Variants in S100Z observed in about 807,000 individuals in gnomAD.
S100Z encodes protein S100-Z.
A neutral mutation model predicts 8.5 loss-of-function variants in S100Z; 11 were observed. That is an observed-to-expected ratio of 1.30 (90% CI 0.82 to 2.15). S100Z has a LOEUF of 2.15. Among genes scored for constraint, S100Z ranks in the 30% most tolerant of loss-of-function variants. The pLI is 0.00. For synonymous variants in S100Z, 34 were observed against 43.8 expected (o/e 0.78, Z 0.89); for missense variants, 126 against 117.9 (o/e 1.07, Z -0.32).
rs1459868249 is a variant in S100Z, at chr5:76,921,200, T to C, written c.*486T>C. The C allele has an allele frequency of 6.6e-6, 1 of 152,216 alleles. No individual in the cohort carries two copies. The highest frequency in any genetic ancestry group is 1.9e-4 in the East Asian group (1 of 5,206). The allele number at this position is 152,216 out of a possible 1,614,324, so 9.4% of individuals were successfully genotyped here. A position where few individuals can be genotyped will look rare whatever the true frequency, so the allele number is the denominator to read the frequency against. ...AAATATCTTTTGTTATCTATATAGT[T>C]CCAGCTTAATAAATATACAACTGTA... On this transcript the variant is annotated 3_prime_UTR_variant, in exon 5 of 5. Transcript: ENST00000317593.
chr5:76,876,438 G>T (rs1428022379), intron 3 of S100Z, among the ~76,000 whole-genome samples: 4 of 150,622 alleles, frequency 2.7e-5, no homozygotes, highest in Admixed American at 2.7e-4. Flanking sequence ...ACACGATCTC[G>T]GCTCACTGCA....
At chr5:76,892,657 A>T (rs1743903466) in intron 4 of S100Z, among the ~76,000 whole-genome samples, 1 of 151,976 alleles carries the variant, frequency 6.6e-6, no homozygotes, top group Admixed American at 6.6e-5. Context: ...GAAGAAAGAA[A>T]AAAAAAGGCA....
Position 76,911,825 on chromosome 5 carries a change from C to T in S100Z, c.*3-8892C>T, listed in dbSNP as rs144442728. On this transcript the variant is annotated intron_variant, in intron 4 of 4. Transcript: ENST00000317593. Reference sequence around the variant, plus strand: ...CAGCAAGGAACAAATACAGCCTATACTGGCTTATCCTCACCCTAAGACATT... The same window carrying T: ...CAGCAAGGAACAAATACAGCCTATATTGGCTTATCCTCACCCTAAGACATT... 9.6e-3 allele frequency among the ~76,000 whole-genome samples: 1,455 copies of T among 152,292 alleles called. 19 individuals are homozygous for T. The highest frequency in any genetic ancestry group is 0.032 in the African/African-American group (1,350 of 41,552).
rs1449354538 is a variant in S100Z at position 76,921,056 on chromosome 5, G to A, written c.*342G>A. On this transcript the variant is annotated 3_prime_UTR_variant, in exon 5 of 5. Transcript: ENST00000317593. ...AAGTAATATAAGTTTATTGTAGGGG[G>A]AAATAATCAAATGTAATCTCATTAC... 2.6e-5 allele frequency: 4 copies of A among 152,070 alleles called. No individual in the cohort carries two copies. The highest frequency in any genetic ancestry group is 2.1e-4 in the South Asian group (1 of 4,808). 9.4% of individuals were successfully genotyped at this position (152,070 alleles called of 1,614,324 possible).
chr5:76,862,217 T>C (rs893854151), intron 1 of S100Z, among the ~76,000 whole-genome samples: 1 of 151,822 alleles, frequency 6.6e-6, no homozygotes, highest in Non-Finnish European at 1.5e-5. Context: ...TGAACTCCCA[T>C]GTACCCAGCT....
chr5:76,851,408 G>C (rs1750725915), intron 1 of S100Z, among the ~76,000 whole-genome samples: 1 of 152,146 alleles, frequency 6.6e-6, no homozygotes, highest in African/African-American at 2.4e-5. Context: ...GGGATCTCAT[G>C]CAGTAATTCA....
At chr5:76,862,823 A>T (rs1751101907) in intron 1 of S100Z, among the ~76,000 whole-genome samples, 1 of 151,678 alleles carries the variant, frequency 6.6e-6, no homozygotes, top group Admixed American at 6.6e-5. Flanking sequence ...CAACAACAAC[A>T]AAAACCCTGA....
At chr5:76,868,860 G>A (rs1037721441) in intron 1 of S100Z, among the ~76,000 whole-genome samples, 7 of 152,132 alleles carry the variant, frequency 4.6e-5, no homozygotes, top group African/African-American at 7.2e-5. Context: ...CTGACCTCAA[G>A]TGATCTACCC....
intron 4 of S100Z, among the ~76,000 whole-genome samples, chr5:76,915,369 C>T (rs537496448): frequency 2.7e-5 from 4 of 150,700 alleles, no homozygotes; most frequent in South Asian, 4.2e-4. Flanking sequence ...TTTGGGAGGC[C>T]GAGGCGGGCA....
the S100Z span, among the ~76,000 whole-genome samples, chr5:76,941,801 C>CT: frequency 6.6e-6 from 1 of 152,232 alleles, no homozygotes; most frequent in African/African-American, 2.4e-5. Flanking sequence ...TATGCTCCCC[C>CT]CCCTTGATGG....
chr5:76,925,793 C>T (rs978631408), downstream of S100Z, among the ~76,000 whole-genome samples: 2 of 152,028 alleles, frequency 1.3e-5, no homozygotes, highest in African/African-American at 4.8e-5. Context: ...ATGGTGAAAC[C>T]CCATCTCTAC....
chr5:76,882,689 G>A lies in S100Z; in HGVS notation c.*2+4855G>A, dbSNP rs111325123. Among the ~76,000 whole-genome samples, 405 of 152,302 alleles carry A rather than the reference G, an allele frequency of 2.7e-3. 4 individuals carry two copies. Among genetic ancestry groups the A allele is most frequent in the African/African-American group, 9.4e-3 (389 of 41,550 alleles). On this transcript the variant is annotated intron_variant, in intron 4 of 4. Transcript: ENST00000317593. Reference sequence around the variant, plus strand: ...TTCATGAAGAATTATGTCGAGATAGGTAATGGATGAGGAAGAAATTTGGGC... The same window carrying A: ...TTCATGAAGAATTATGTCGAGATAGATAATGGATGAGGAAGAAATTTGGGC...
At chr5:76,926,268 C>T (rs147966367), downstream of S100Z, among the ~76,000 whole-genome samples, 324 of 152,092 alleles carry the variant, frequency 2.1e-3, 1 homozygote, top group Middle Eastern at 6.8e-3. Flanking sequence ...GATTAGTAGC[C>T]GTGAGGGTTG....
the S100Z span, chr5:76,948,686 T>C: frequency 1.3e-5 from 2 of 152,134 alleles, no homozygotes; most frequent in African/African-American, 4.8e-5. Context: ...TGACAAGTGC[T>C]GGCAGGGAAA....
intron 4 of S100Z, among the ~76,000 whole-genome samples, chr5:76,884,285 T>C (rs1372204514): frequency 6.6e-6 from 1 of 152,190 alleles, no homozygotes; most frequent in African/African-American, 2.4e-5. Context: ...TTTTAAGCCC[T>C]TTAACTAGGC....
At position 76,892,938 on chromosome 5, in the gene S100Z, A is replaced by G. The variant is rs572578126; in HGVS notation, c.*2+15104A>G. Among the ~76,000 whole-genome samples, 8 of 152,278 alleles carry G rather than the reference A, an allele frequency of 5.3e-5. No individual in the cohort carries two copies. The South Asian group carries it at 1.2e-3, about 24-fold the overall frequency. ...CTATGAAGAGACGTTGTTGATGTAC[A>G]TAGGGTGAAATTCAGCAGAACTCTG... On this transcript the variant is annotated intron_variant, in intron 4 of 4. Coordinates refer to ENST00000317593, the MANE Select transcript of S100Z (RefSeq NM_130772.4).
intron 1 of S100Z, among the ~76,000 whole-genome samples, chr5:76,856,838 A>T (rs1750894404): frequency 6.6e-6 from 1 of 152,206 alleles, no homozygotes; most frequent in Admixed American, 6.5e-5. Context: ...AAATAATTTA[A>T]TTTATAGGTA....
intron 1 of S100Z, among the ~76,000 whole-genome samples, chr5:76,859,845 C>A (rs11956840): frequency 0.1 from 15,820 of 150,894 alleles, 1,645 homozygotes; most frequent in African/African-American, 0.27. Flanking sequence ...CCAGGGAAAC[C>A]ATCTGTCTAG....
chr5:76,853,615 G>T (rs1395277224), intron 1 of S100Z, among the ~76,000 whole-genome samples: 1 of 151,938 alleles, frequency 6.6e-6, no homozygotes. Context: ...GGCCAACAAG[G>T]TGAAACCTTG....
Sources: allele counts gnomAD v4.1 joint callset (sites outside exome capture counted in the v4.1 genomes callset), GRCh38; gene constraint gnomAD v4.1.1; transcripts MANE v1.5; gene names NCBI Gene and HGNC (gene_info 2026-07-23, HGNC 2026-07-21).